The following IMMP2L variants were observed in gnomAD, a reference collection of about 807,000 sequenced individuals.
IMMP2L encodes mitochondrial inner membrane protease subunit 2.
In IMMP2L, 18 loss-of-function variants were observed where a neutral mutation model predicts 19.3. The ratio of observed to expected loss-of-function variants is 0.93; its 90% CI spans 0.64 to 1.38. The LOEUF (loss-of-function observed/expected upper bound fraction) is 1.38, where lower values mean the gene tolerates loss of function less well. IMMP2L is among the 40% of genes most tolerant of loss of function. IMMP2L has a pLI of 0.00. For synonymous variants in IMMP2L, 76 were observed against 73.0 expected (o/e 1.04, Z -0.21); for missense variants, 233 against 218.2 (o/e 1.07, Z -0.43).
intron 3 of IMMP2L, among the ~76,000 whole-genome samples, chr7:110,991,331 A>T (rs1214589128): frequency 6.6e-6 from 1 of 152,170 alleles, no homozygotes; most frequent in South Asian, 2.1e-4. Flanking sequence ...ACCGATTAAC[A>T]TGTTCAACAT....
intron 3 of IMMP2L, among the ~76,000 whole-genome samples, chr7:111,317,736 G>C (rs1584597455): frequency 6.6e-6 from 1 of 151,916 alleles, no homozygotes; most frequent in East Asian, 1.9e-4. Flanking sequence ...TGTTGATTTT[G>C]TTGTTGAACT....
At chr7:111,235,311 A>C (rs968438580) in intron 3 of IMMP2L, among the ~76,000 whole-genome samples, 1 of 151,950 alleles carries the variant, frequency 6.6e-6, no homozygotes, top group Non-Finnish European at 1.5e-5. Context: ...GTCTCTACTA[A>C]AAATACTAAA....
intron 5 of IMMP2L, among the ~76,000 whole-genome samples, chr7:110,826,447 T>A (rs938196505): frequency 3.3e-5 from 5 of 152,096 alleles, no homozygotes; most frequent in South Asian, 2.1e-4. Flanking sequence ...CAAATGTCCA[T>A]CAATGATAGA....
chr7:111,062,467 CT>C (rs1249899319), intron 3 of IMMP2L, among the ~76,000 whole-genome samples: 2 of 152,124 alleles, frequency 1.3e-5, no homozygotes, highest in Non-Finnish European at 2.9e-5. Flanking sequence ...TGTTCTGCCC[CT>C]ACCCCTCCCA....
intron 3 of IMMP2L, among the ~76,000 whole-genome samples, chr7:111,212,598 G>A (rs1811446567): frequency 6.6e-6 from 1 of 151,964 alleles, no homozygotes; most frequent in Non-Finnish European, 1.5e-5. Flanking sequence ...GCAACAGAGT[G>A]GGACCCTGTC....
At chr7:111,165,850 C>T (rs955645266) in intron 3 of IMMP2L, among the ~76,000 whole-genome samples, 17 of 151,920 alleles carry the variant, frequency 1.1e-4, no homozygotes, top group African/African-American at 2.9e-4. Flanking sequence ...GCCAAGCCCC[C>T]GGCAAGTTAT....
chr7:111,130,813 A>G (rs1348363841), intron 3 of IMMP2L, among the ~76,000 whole-genome samples: 1 of 152,116 alleles, frequency 6.6e-6, no homozygotes, highest in Admixed American at 6.6e-5. Flanking sequence ...CAGAACTGGG[A>G]TTAAGGTCAG....
chr7:110,907,408 G>C (rs1054011341), intron 4 of IMMP2L, among the ~76,000 whole-genome samples: 5 of 152,132 alleles, frequency 3.3e-5, no homozygotes, highest in Non-Finnish European at 7.4e-5. Context: ...AAGTCAAGTT[G>C]CTTCTCTTCA....
chr7:111,375,338 C>G (rs951442181), intron 3 of IMMP2L, among the ~76,000 whole-genome samples: 2 of 151,894 alleles, frequency 1.3e-5, no homozygotes. Flanking sequence ...GTTTTTAATC[C>G]AATCCACTTG....
At chr7:111,096,665 G>C (rs1428330599) in intron 3 of IMMP2L, among the ~76,000 whole-genome samples, 1 of 151,782 alleles carries the variant, frequency 6.6e-6, no homozygotes, top group African/African-American at 2.4e-5. Flanking sequence ...GAAAAAATGA[G>C]ATGAGTAAAT....
chr7:110,826,607 G>T (rs1291557738), intron 5 of IMMP2L, among the ~76,000 whole-genome samples: 3 of 152,012 alleles, frequency 2.0e-5, no homozygotes, highest in Non-Finnish European at 4.4e-5. Context: ...AAACACCGCA[G>T]GTTCTCACTC....
chr7:111,024,080 A>C (rs935764543), intron 3 of IMMP2L, among the ~76,000 whole-genome samples: 4 of 152,218 alleles, frequency 2.6e-5, no homozygotes, highest in Non-Finnish European at 4.4e-5. Context: ...CATTCAATTG[A>C]GTCAAGAATT....
At chr7:110,860,989 A>AT (rs200027500) in intron 5 of IMMP2L, among the ~76,000 whole-genome samples, 7 of 88,608 alleles carry the variant, frequency 7.9e-5, no homozygotes, top group African/African-American at 8.1e-5. Flanking sequence ...TTATTTACTG[A>AT]TTAAAAAAAT....
At chr7:110,698,979 A>G (rs955158) in intron 5 of IMMP2L, among the ~76,000 whole-genome samples, 34,759 of 152,128 alleles carry the variant, frequency 0.23, 4,338 homozygotes, top group Admixed American at 0.28. Flanking sequence ...ATGAAGGGTG[A>G]GGTGCTTTGA....
At chr7:111,383,199 A>T (rs745987457) in intron 3 of IMMP2L, among the ~76,000 whole-genome samples, 3 of 152,060 alleles carry the variant, frequency 2.0e-5, no homozygotes, top group Non-Finnish European at 2.9e-5. Context: ...TGTCTATATA[A>T]CCCTAATTAG....
Position 111,240,652 on chromosome 7 carries a change from C to T in IMMP2L, c.239+246586G>A, listed in dbSNP as rs532087279. Among the ~76,000 whole-genome samples, 3 of 151,952 alleles carry T rather than the reference C, an allele frequency of 2.0e-5. No individual in the cohort carries two copies. The East Asian group carries it at 5.8e-4, about 29-fold the overall frequency. ...CATTACTTCATGTTAGGGACAGTCC[C>T]ATTTTCTTTTAACAGATTTTTGTTG... is the stretch of plus-strand genomic sequence containing the variant. On this transcript the variant is annotated intron_variant, in intron 3 of 5. Transcript: ENST00000405709.
chr7:111,508,356 TAAA>T (rs1291945726), intron 2 of IMMP2L, among the ~76,000 whole-genome samples: 2 of 151,872 alleles, frequency 1.3e-5, no homozygotes, highest in African/African-American at 4.8e-5. Flanking sequence ...AATTAAAACT[TAAA>T]AATTAAAAAA....
chr7:110,720,473 G>A (rs1795497955), intron 5 of IMMP2L, among the ~76,000 whole-genome samples: 1 of 152,160 alleles, frequency 6.6e-6, no homozygotes, highest in Admixed American at 6.6e-5. Context: ...CACCACCCCA[G>A]GGGAATATTG....
intron 5 of IMMP2L, among the ~76,000 whole-genome samples, chr7:110,729,334 A>G (rs757896305): frequency 2.0e-5 from 3 of 152,214 alleles, no homozygotes; most frequent in East Asian, 1.9e-4. Context: ...GAATCAAAGC[A>G]TATCTTAGAT....
Sources: allele counts gnomAD v4.1 joint callset (sites outside exome capture counted in the v4.1 genomes callset), GRCh38; gene constraint gnomAD v4.1.1; transcripts MANE v1.5; gene names NCBI Gene and HGNC (gene_info 2026-07-23, HGNC 2026-07-21).